The following AGBL1 variants were observed in gnomAD, a reference collection of about 807,000 sequenced individuals.
AGBL1 encodes the protein cytosolic carboxypeptidase 4.
AGBL1 carries 130 observed loss-of-function variants against 118.9 expected under a neutral mutation model. That is an observed-to-expected ratio of 1.09 (90% CI 0.95 to 1.26). The LOEUF is 1.26. AGBL1 is among the 50% of genes most tolerant of loss of function. The pLI is 0.00. For synonymous variants in AGBL1, 555 were observed against 478.9 expected (o/e 1.16, Z -2.08); for missense variants, 1,584 against 1,298.1 (o/e 1.22, Z -3.38).
chr15:86,896,852 A>G (rs2141570984), intron 22 of AGBL1, among the ~76,000 whole-genome samples: 1 of 152,236 alleles, frequency 6.6e-6, no homozygotes, highest in East Asian at 1.9e-4. Flanking sequence ...GCTCATCAAC[A>G]CTTCTCTGAC....
chr15:86,655,089 C>G (rs1313984446), intron 21 of AGBL1, among the ~76,000 whole-genome samples: 1 of 152,166 alleles, frequency 6.6e-6, no homozygotes, highest in Non-Finnish European at 1.5e-5. Flanking sequence ...AGAGCCTACT[C>G]TATCCATTGG....
At chr15:86,136,692 T>C (rs933335572) in intron 1 of AGBL1, among the ~76,000 whole-genome samples, 4 of 151,506 alleles carry the variant, frequency 2.6e-5, no homozygotes, top group African/African-American at 9.7e-5. Context: ...TGGCATGGAG[T>C]GTTGGGGTAG....
chr15:86,817,687 G>A (rs918224665), intron 22 of AGBL1, among the ~76,000 whole-genome samples: 5 of 151,608 alleles, frequency 3.3e-5, no homozygotes, highest in African/African-American at 7.3e-5. Flanking sequence ...AGGAGAGAGA[G>A]TGCTGGGAGA....
intron 6 of AGBL1, among the ~76,000 whole-genome samples, chr15:86,226,395 T>C (rs1483151487): frequency 1.3e-5 from 2 of 151,744 alleles, no homozygotes; most frequent in African/African-American, 4.8e-5. Flanking sequence ...ATCTCTCAAA[T>C]CCCCCCAGCC....
intron 22 of AGBL1, among the ~76,000 whole-genome samples, chr15:86,816,983 G>T (rs961653938): frequency 2.0e-5 from 3 of 151,996 alleles, no homozygotes; most frequent in African/African-American, 7.3e-5. Context: ...CCATAAACAG[G>T]GAGTAGCTGA....
At chr15:86,860,866 A>C (rs1009565094) in intron 22 of AGBL1, among the ~76,000 whole-genome samples, 2 of 152,098 alleles carry the variant, frequency 1.3e-5, no homozygotes, top group African/African-American at 4.8e-5. Context: ...AGAAAGCAAT[A>C]AGGAGGTGAA....
intron 5 of AGBL1, among the ~76,000 whole-genome samples, chr15:86,211,359 C>T (rs548855238): frequency 3.9e-5 from 6 of 152,274 alleles, no homozygotes; most frequent in Admixed American, 1.3e-4. Context: ...GAAGAACCAC[C>T]GCTCTCTTCA....
At chr15:86,475,816 G>C (rs2082550758) in intron 18 of AGBL1, among the ~76,000 whole-genome samples, 1 of 152,186 alleles carries the variant, frequency 6.6e-6, no homozygotes, top group Admixed American at 6.5e-5. Flanking sequence ...GTTAAGGGCA[G>C]CCAGAAAGAA....
At chr15:86,228,813 C>G (rs2078408551) in intron 6 of AGBL1, among the ~76,000 whole-genome samples, 1 of 152,204 alleles carries the variant, frequency 6.6e-6, no homozygotes, top group South Asian at 2.1e-4. Context: ...CTGTCTCTTT[C>G]TGGGCAATAG....
At chr15:86,364,997 A>ATG (rs1567219489) in intron 17 of AGBL1, among the ~76,000 whole-genome samples, 2 of 79,206 alleles carry the variant, frequency 2.5e-5, no homozygotes, top group Non-Finnish European at 6.1e-5. Context: ...ATACACACAC[A>ATG]CATATATATA....
rs763550015 is a variant in AGBL1, at chr15:86,122,461, G to A, written c.52-19543G>A. On this transcript the variant is annotated intron_variant, in intron 1 of 22. Coordinates refer to ENST00000614907, the MANE Select transcript of AGBL1 (RefSeq NM_001386094.1). ...TGGCTTCCAAGAAACAGTATGGAAA[G>A]CAAAAATAATGTCACAGTGCAGAAA... 3.6e-4 allele frequency among the ~76,000 whole-genome samples: 55 copies of A among 152,108 alleles called. 1 individual carries two copies. The highest frequency in any genetic ancestry group is 1.0e-3 in the Admixed American group (16 of 15,274).
chr15:86,709,820 T>C (rs756660254), intron 22 of AGBL1, among the ~76,000 whole-genome samples: 2 of 152,210 alleles, frequency 1.3e-5, no homozygotes, highest in Non-Finnish European at 2.9e-5. Flanking sequence ...ATAGTTTCCC[T>C]ATTTAAAGTT....
At chr15:86,640,349 A>G (rs2085170642) in intron 21 of AGBL1, among the ~76,000 whole-genome samples, 1 of 152,212 alleles carries the variant, frequency 6.6e-6, no homozygotes, top group African/African-American at 2.4e-5. Flanking sequence ...TGGAAGAGCA[A>G]TCAGATATCT....
chr15:86,953,216 G>A (rs759744349), intron 23 of AGBL1, among the ~76,000 whole-genome samples: 1 of 152,070 alleles, frequency 6.6e-6, no homozygotes, highest in Admixed American at 6.6e-5. Context: ...CATTGGTAGT[G>A]TGATAGGAAC....
intron 22 of AGBL1, among the ~76,000 whole-genome samples, chr15:86,763,430 T>C (rs143370100): frequency 4.5e-4 from 68 of 151,976 alleles, no homozygotes; most frequent in African/African-American, 1.4e-3. Flanking sequence ...GGAAAAAAAT[T>C]ACAAAAATTA....
intron 4 of AGBL1, among the ~76,000 whole-genome samples, chr15:86,156,196 C>G (rs2077187636): frequency 6.6e-6 from 1 of 152,196 alleles, no homozygotes; most frequent in Non-Finnish European, 1.5e-5. Flanking sequence ...ACTGGAATTA[C>G]AGGCGTGAGC....
chr15:86,804,667 C>T (rs1353701194), intron 22 of AGBL1, among the ~76,000 whole-genome samples: 1 of 152,116 alleles, frequency 6.6e-6, no homozygotes, highest in African/African-American at 2.4e-5. Context: ...CTGGGTCATA[C>T]TGTTTTTTCT....
intron 17 of AGBL1, among the ~76,000 whole-genome samples, chr15:86,329,253 G>A (rs2080234821): frequency 6.6e-6 from 1 of 152,040 alleles, no homozygotes; most frequent in Non-Finnish European, 1.5e-5. Context: ...GGCATTCAGG[G>A]CACCCACTTG....
rs375162107 is a variant in AGBL1 at position 86,865,915 on chromosome 15, A to C, written c.3159-41172A>C. Among the ~76,000 whole-genome samples the C allele has an allele frequency of 7.2e-5, 11 of 152,218 alleles. No homozygotes were observed. In the East Asian group the frequency reaches 1.3e-3, roughly 19 times the overall value. ...GAGAAGATTAAATGAGTTAATGCAT[A>C]TGAAGTGTTTAGTTCTAGGTCTGGC... On this transcript the variant is annotated intron_variant, in intron 22 of 22. Coordinates refer to ENST00000614907, the MANE Select transcript of AGBL1 (RefSeq NM_001386094.1).
Sources: allele counts gnomAD v4.1 joint callset (sites outside exome capture counted in the v4.1 genomes callset), GRCh38; gene constraint gnomAD v4.1.1; transcripts MANE v1.5; gene names NCBI Gene and HGNC (gene_info 2026-07-23, HGNC 2026-07-21).